Variants in ADARB2 observed in about 807,000 individuals in gnomAD.
ADARB2 encodes inactive double-stranded RNA-specific editase B2.
In ADARB2, 25 loss-of-function variants were observed where a neutral mutation model predicts 62.2. The ratio of observed to expected loss-of-function variants is 0.40; its 90% CI spans 0.29 to 0.56. The LOEUF is 0.56. Ranked by LOEUF, ADARB2 falls within the 20% of genes least tolerant of loss-of-function variation. The pLI is 0.43. For missense variants in ADARB2, 1,071 were observed against 1,077.4 expected (o/e 0.99, Z 0.08); for synonymous variants, 572 against 500.8 (o/e 1.14, Z -1.90).
At chr10:1,650,783 G>T (rs759594885) in intron 1 of ADARB2, among the ~76,000 whole-genome samples, 2 of 152,160 alleles carry the variant, frequency 1.3e-5, no homozygotes, top group Non-Finnish European at 2.9e-5. Context: ...GAAGATGTGC[G>T]TGCCTGGAGC....
At chr10:1,229,540 T>C (rs1393466149) in intron 6 of ADARB2, among the ~76,000 whole-genome samples, 4 of 152,234 alleles carry the variant, frequency 2.6e-5, no homozygotes, top group Non-Finnish European at 4.4e-5. Flanking sequence ...CCCTACTCTG[T>C]GTTCCTTCAT....
chr10:1,379,090 C>T lies in ADARB2; in HGVS notation c.171G>A (p.Glu57=). Residue 57 remains glutamate, a synonymous_variant, in exon 2 of 10, where the codon GAG becomes GAA. Coordinates refer to ENST00000381312, the MANE Select transcript of ADARB2 (RefSeq NM_018702.4). ...GTTGCTTACTGAGGGTGTCGTCATC[C>T]TCCGTGTTTGTGATGCCAGGACTCA... ...KHLSPGITNT[E]DDDTLSTSSA... The T allele has an allele frequency of 3.7e-6, 6 of 1,613,604 alleles. No homozygotes were observed. The highest frequency in any genetic ancestry group is 5.1e-6 in the Non-Finnish European group (6 of 1,179,632).
intron 1 of ADARB2, among the ~76,000 whole-genome samples, chr10:1,478,337 G>A (rs183972798): frequency 3.3e-5 from 5 of 152,332 alleles, no homozygotes; most frequent in Admixed American, 6.5e-5. Flanking sequence ...ACACGGCATG[G>A]AGGTTTCCAT....
intron 1 of ADARB2, among the ~76,000 whole-genome samples, chr10:1,604,227 A>C (rs2132016711): frequency 6.6e-6 from 1 of 152,234 alleles, no homozygotes; most frequent in South Asian, 2.1e-4. Context: ...TCTAGCTCTC[A>C]AGGAATGGCC....
chr10:1,616,899 G>T lies in ADARB2; in HGVS notation c.100+120152C>A, dbSNP rs375313203. 4.0e-5 allele frequency among the ~76,000 whole-genome samples: 6 copies of T among 148,156 alleles called. No homozygotes were observed. The East Asian group carries it at 1.3e-3, about 31-fold the overall frequency. On this transcript the variant is annotated intron_variant, in intron 1 of 9. Coordinates refer to ENST00000381312, the MANE Select transcript of ADARB2 (RefSeq NM_018702.4). ...AACTGGCCTCAGACGGTTGCATTCTGTTGCTAGATGTTTGTGTGCCCGTCC... is the reference window on the plus strand; with the variant it reads ...AACTGGCCTCAGACGGTTGCATTCTTTTGCTAGATGTTTGTGTGCCCGTCC...
intron 1 of ADARB2, among the ~76,000 whole-genome samples, chr10:1,536,571 G>T (rs1404332862): frequency 6.6e-6 from 1 of 152,110 alleles, no homozygotes; most frequent in African/African-American, 2.4e-5. Flanking sequence ...GACGGTGGCC[G>T]CCTCCTTTCA....
intron 5 of ADARB2, among the ~76,000 whole-genome samples, chr10:1,240,852 T>A (rs1830913523): frequency 6.6e-6 from 1 of 152,166 alleles, no homozygotes; most frequent in Admixed American, 6.5e-5. Flanking sequence ...TTAGGAGAAA[T>A]CCTTCCCTAC....
At chr10:1,217,500 G>A (rs1421956105) in intron 6 of ADARB2, among the ~76,000 whole-genome samples, 1 of 152,216 alleles carries the variant, frequency 6.6e-6, no homozygotes, top group East Asian at 1.9e-4. Flanking sequence ...GCAGTTGGAC[G>A]TGTCGTTTTC....
At chr10:1,184,759 C>A in intron 9 of ADARB2, 102 bp downstream of exon 9, 1 of 1,329,652 alleles carries the variant, frequency 7.5e-7, no homozygotes, top group Non-Finnish European at 1.0e-6. Context: ...CGTGCATCTC[C>A]CTCCCTGCAG....
intron 4 of ADARB2, among the ~76,000 whole-genome samples, chr10:1,256,259 T>C (rs951725040): frequency 7.2e-5 from 11 of 152,106 alleles, no homozygotes; most frequent in African/African-American, 2.4e-4. Context: ...TTTCCAACTC[T>C]CCCCGCTACT....
intron 3 of ADARB2, among the ~76,000 whole-genome samples, chr10:1,308,804 A>G (rs1378112490): frequency 6.6e-6 from 1 of 152,160 alleles, no homozygotes; most frequent in African/African-American, 2.4e-5. Context: ...GACTACCTCT[A>G]TTTCTATTTT....
chr10:1,309,924 G>A (rs955732679), intron 3 of ADARB2, among the ~76,000 whole-genome samples: 2 of 152,212 alleles, frequency 1.3e-5, no homozygotes, highest in Non-Finnish European at 2.9e-5. Context: ...GCACACCTGG[G>A]GCCGCATCAT....
chr10:1,363,543 A>C lies in ADARB2; in HGVS notation c.562T>G (p.Ser188Ala). 2.6e-6 allele frequency: 4 copies of C among 1,560,250 alleles called. No individual in the cohort carries two copies. Among genetic ancestry groups the C allele is most frequent in the Non-Finnish European group, 3.5e-6 (4 of 1,155,438 alleles). Residue 188 changes from serine (S) to alanine (A), a missense_variant, in exon 3 of 10, where the codon TCC (serine) becomes GCC (alanine). Coordinates refer to ENST00000381312, the MANE Select transcript of ADARB2 (RefSeq NM_018702.4). The part of the protein sequence containing the change: ...KMRAAELALR[S>A]FVQFPNACQA... ...CAGGCGTTGGGGAACTGCACGAAGGACCTGAGTGCCAGCTCCGCCGCGCGC... is the reference window on the plus strand; with the variant it reads ...CAGGCGTTGGGGAACTGCACGAAGGCCCTGAGTGCCAGCTCCGCCGCGCGC...
intron 2 of ADARB2, among the ~76,000 whole-genome samples, chr10:1,364,434 G>C (rs1308619446): frequency 1.3e-5 from 2 of 152,240 alleles, no homozygotes; most frequent in Admixed American, 1.3e-4. Context: ...GGAAACCCTA[G>C]GAGCTGGCCC....
At chr10:1,228,185 G>T (rs1425938409) in intron 6 of ADARB2, among the ~76,000 whole-genome samples, 1 of 152,194 alleles carries the variant, frequency 6.6e-6, no homozygotes, top group African/African-American at 2.4e-5. Context: ...TGTACTTGTA[G>T]GTAAATATAT....
chr10:1,677,153 A>G (rs1264362164), intron 1 of ADARB2, among the ~76,000 whole-genome samples: 1 of 152,222 alleles, frequency 6.6e-6, no homozygotes, highest in East Asian at 1.9e-4. Context: ...GGAGTGGAAA[A>G]CCTGCACATG....
intron 3 of ADARB2, among the ~76,000 whole-genome samples, chr10:1,330,314 A>C (rs1831917158): frequency 6.6e-6 from 1 of 152,206 alleles, no homozygotes; most frequent in Non-Finnish European, 1.5e-5. Flanking sequence ...CTTCGATTGC[A>C]TGATATGCAC....
chr10:1,401,367 G>T (rs1233582408), intron 1 of ADARB2, among the ~76,000 whole-genome samples: 1 of 152,246 alleles, frequency 6.6e-6, no homozygotes, highest in Non-Finnish European at 1.5e-5. Context: ...CGGTCATGCT[G>T]CGGGAAGCCT....
intron 1 of ADARB2, among the ~76,000 whole-genome samples, chr10:1,703,177 A>C (rs992115226): frequency 6.6e-6 from 1 of 152,190 alleles, no homozygotes; most frequent in African/African-American, 2.4e-5. Flanking sequence ...AAAGGAAAAA[A>C]GGATGAGGGC....
Sources: gnomAD v4.1 joint callset for allele counts (sites outside exome capture counted in the v4.1 genomes callset) on GRCh38, gnomAD v4.1.1 for gene constraint, MANE v1.5 for transcripts, NCBI Gene and HGNC (gene_info 2026-07-23, HGNC 2026-07-21) for gene names.